NPAS3: variants seen among roughly 807,000 people sequenced by gnomAD.
NPAS3 encodes the protein neuronal PAS domain protein 3, also known as neuronal PAS domain-containing protein 3.
A neutral mutation model predicts 73.1 loss-of-function variants in NPAS3; 14 were observed. That is an observed-to-expected ratio of 0.19 (90% CI 0.13 to 0.30). NPAS3 has a LOEUF of 0.30. Among genes scored for constraint, NPAS3 ranks in the 10% least tolerant of loss-of-function variants. The pLI is 1.00. For synonymous variants in NPAS3, 620 were observed against 541.5 expected (o/e 1.14, Z -2.01); for missense variants, 1,096 against 1,250.0 (o/e 0.88, Z 1.86).
intron 4 of NPAS3, among the ~76,000 whole-genome samples, chr14:33,378,558 C>T (rs1047865495): frequency 6.6e-6 from 1 of 152,112 alleles, no homozygotes; most frequent in Admixed American, 6.6e-5. Flanking sequence ...ATCGCTTGAA[C>T]CCCGGAGGTA....
At chr14:33,072,731 T>C (rs1250263448) in intron 2 of NPAS3, among the ~76,000 whole-genome samples, 1 of 152,184 alleles carries the variant, frequency 6.6e-6, no homozygotes, top group African/African-American at 2.4e-5. Flanking sequence ...CAGGGCTGCG[T>C]GGGAACCTGC....
chr14:33,533,776 C>T (rs1261478654), intron 4 of NPAS3, among the ~76,000 whole-genome samples: 3 of 151,508 alleles, frequency 2.0e-5, no homozygotes, highest in Admixed American at 6.6e-5. Context: ...AAAAGAGATC[C>T]GAAATGTATT....
At chr14:33,199,884 A>G (rs1161976998) in intron 2 of NPAS3, among the ~76,000 whole-genome samples, 1 of 152,102 alleles carries the variant, frequency 6.6e-6, no homozygotes, top group East Asian at 1.9e-4. Flanking sequence ...CAGCATAATC[A>G]TCTTTCAACA....
intron 2 of NPAS3, among the ~76,000 whole-genome samples, chr14:33,133,003 A>T (rs1275449662): frequency 1.3e-5 from 2 of 152,066 alleles, no homozygotes; most frequent in South Asian, 2.1e-4. Context: ...TCCAGTTATT[A>T]CTCTTAAATT....
At chr14:33,300,338 C>T (rs909922609) in intron 3 of NPAS3, among the ~76,000 whole-genome samples, 3 of 152,204 alleles carry the variant, frequency 2.0e-5, no homozygotes, top group Admixed American at 6.5e-5. Context: ...GCTAGTAAAA[C>T]AGCTTGCTTT....
intron 4 of NPAS3, among the ~76,000 whole-genome samples, chr14:33,475,433 C>A (rs900233472): frequency 6.6e-6 from 1 of 151,404 alleles, no homozygotes; most frequent in Non-Finnish European, 1.5e-5. Context: ...GTCATTTTAA[C>A]TTAGAGAACA....
chr14:33,124,204 G>A (rs983000054), intron 2 of NPAS3, among the ~76,000 whole-genome samples: 3 of 152,142 alleles, frequency 2.0e-5, no homozygotes, highest in Admixed American at 6.5e-5. Flanking sequence ...TGGGAAACTA[G>A]ACTGCTTTTT....
intron 2 of NPAS3, among the ~76,000 whole-genome samples, chr14:33,130,081 C>T (rs1204240354): frequency 6.6e-6 from 1 of 152,066 alleles, no homozygotes; most frequent in African/African-American, 2.4e-5. Context: ...TATGTGTTAA[C>T]GTTTTTTCTG....
chr14:33,108,280 A>T (rs1364684554), intron 2 of NPAS3, among the ~76,000 whole-genome samples: 4 of 146,304 alleles, frequency 2.7e-5, no homozygotes, highest in Non-Finnish European at 4.5e-5. Flanking sequence ...TGCAACCTCC[A>T]CCTCCCGAGT....
chr14:33,795,972 G>A (rs1002689238), intron 10 of NPAS3, among the ~76,000 whole-genome samples: 3 of 152,148 alleles, frequency 2.0e-5, no homozygotes, highest in Non-Finnish European at 2.9e-5. Context: ...ATAAAGGACT[G>A]TAAATTGTAG....
intron 1 of NPAS3, among the ~76,000 whole-genome samples, chr14:33,027,921 A>G (rs565421249): frequency 2.0e-5 from 3 of 152,346 alleles, no homozygotes; most frequent in African/African-American, 4.8e-5. Flanking sequence ...TGTATATCAC[A>G]TGATACTATG....
intron 4 of NPAS3, among the ~76,000 whole-genome samples, chr14:33,457,032 G>A (rs1566920334): frequency 1.3e-5 from 2 of 152,166 alleles, no homozygotes; most frequent in Admixed American, 6.5e-5. Context: ...GAGGCAATAC[G>A]GTTCAAGATG....
At chr14:33,211,366 A>T (rs2047028015) in intron 2 of NPAS3, among the ~76,000 whole-genome samples, 1 of 152,130 alleles carries the variant, frequency 6.6e-6, no homozygotes, top group Non-Finnish European at 1.5e-5. Flanking sequence ...GGATCACTTG[A>T]GGTCAGGAGT....
intron 7 of NPAS3, among the ~76,000 whole-genome samples, chr14:33,767,398 G>T (rs374847243): frequency 6.6e-6 from 1 of 151,960 alleles, no homozygotes; most frequent in South Asian, 2.1e-4. Flanking sequence ...CAGAGCCCCC[G>T]TCACTTAAAA....
At chr14:33,383,088 T>TA (rs34877774) in intron 4 of NPAS3, among the ~76,000 whole-genome samples, 7,732 of 104,188 alleles carry the variant, frequency 0.074, 492 homozygotes, top group African/African-American at 0.17. Context: ...GACCCTGTCT[T>TA]AAAAAAAAAA....
downstream of NPAS3, chr14:33,801,474 G>T (rs548088547): frequency 1.6e-4 from 45 of 278,360 alleles, 1 homozygote; most frequent in East Asian, 5.1e-3. Context: ...AACCATTGGG[G>T]TTTCTTCATA....
chr14:33,214,073 T>A (rs2047133304), intron 2 of NPAS3: 1 of 152,234 alleles, frequency 6.6e-6, no homozygotes, highest in South Asian at 2.1e-4. Context: ...AAAAAAAGAA[T>A]GCTAGACTCA....
intron 1 of NPAS3, among the ~76,000 whole-genome samples, chr14:33,023,883 A>T (rs2039695323): frequency 6.6e-6 from 1 of 152,144 alleles, no homozygotes; most frequent in East Asian, 1.9e-4. Flanking sequence ...ATACATTTAG[A>T]TCAACTCAGC....
exon 6 of NPAS3, chr14:33,676,249 C>T (rs1471658311): frequency 2.5e-6 from 4 of 1,613,922 alleles, no homozygotes; most frequent in South Asian, 2.2e-5. Context: ...ACTATGTCCA[C>T]CCCGGAGATC....
Sources: gnomAD v4.1 joint callset for allele counts (sites outside exome capture counted in the v4.1 genomes callset) on GRCh38, gnomAD v4.1.1 for gene constraint, MANE v1.5 for transcripts, NCBI Gene and HGNC (gene_info 2026-07-23, HGNC 2026-07-21) for gene names.